ABCA13: variants seen among roughly 807,000 people sequenced by gnomAD.
The protein encoded by ABCA13 is ATP-binding cassette sub-family A member 13.
ABCA13 carries 476 observed loss-of-function variants against 478.7 expected under a neutral mutation model. That is an observed-to-expected ratio of 0.99 (90% CI 0.92 to 1.07). ABCA13 has a LOEUF of 1.07. Among genes scored for constraint, ABCA13 ranks in the 50% least tolerant of loss-of-function variants. ABCA13 has a pLI of 0.00. For synonymous variants in ABCA13, 2,252 were observed against 2,158.9 expected (o/e 1.04, Z -1.20); for missense variants, 6,060 against 5,910.6 (o/e 1.03, Z -0.83).
intron 1 of ABCA13, among the ~76,000 whole-genome samples, chr7:48,172,277 A>G (rs1386154307): frequency 2.6e-5 from 4 of 152,190 alleles, no homozygotes; most frequent in Non-Finnish European, 4.4e-5. Flanking sequence ...ATTTACCTGC[A>G]TCGTTTCTGA....
At chr7:48,474,056 C>A (rs1423974411) in intron 45 of ABCA13, among the ~76,000 whole-genome samples, 1 of 151,996 alleles carries the variant, frequency 6.6e-6, no homozygotes, top group Non-Finnish European at 1.5e-5. Flanking sequence ...TTTTTAAATA[C>A]ATAATTATTG....
chr7:48,343,417 G>A (rs528564314), intron 29 of ABCA13, among the ~76,000 whole-genome samples: 2 of 152,078 alleles, frequency 1.3e-5, no homozygotes, highest in South Asian at 4.2e-4. Flanking sequence ...AGCTGATACC[G>A]ATTAGGGCCC....
At chr7:48,313,478 C>T (rs1802076119) in intron 25 of ABCA13, among the ~76,000 whole-genome samples, 1 of 152,184 alleles carries the variant, frequency 6.6e-6, no homozygotes, top group Non-Finnish European at 1.5e-5. Context: ...TGGGATAGTA[C>T]ATGCATTATC....
At position 48,332,947 on chromosome 7, in the gene ABCA13, G is replaced by T. The variant is rs58054165; in HGVS notation, c.10000-2475G>T. On this transcript the variant is annotated intron_variant, in intron 27 of 61. Transcript: ENST00000435803. The stretch of plus-strand genomic sequence containing the variant: ...TCTCAGTTTATCATATTGAGTGTTT[G>T]CTAAGCTTCCTGAGTCTGTAGGTTT... Among the ~76,000 whole-genome samples, 1,400 of 152,274 alleles carry T rather than the reference G, an allele frequency of 9.2e-3. 30 individuals carry two copies. Among genetic ancestry groups the T allele is most frequent in the African/African-American group, 0.032 (1,322 of 41,548 alleles).
At chr7:48,196,798 T>A (rs1316960522) in intron 2 of ABCA13, among the ~76,000 whole-genome samples, 1 of 152,174 alleles carries the variant, frequency 6.6e-6, no homozygotes, top group Non-Finnish European at 1.5e-5. Flanking sequence ...GGAAATGCAC[T>A]ATCTGGGCAC....
chr7:48,434,541 G>GTTT (rs1259438215), intron 42 of ABCA13, among the ~76,000 whole-genome samples: 1 of 151,612 alleles, frequency 6.6e-6, no homozygotes, highest in Non-Finnish European at 1.5e-5. Flanking sequence ...TTTTGTTGTT[G>GTTT]TTGTTGCCTG....
intron 8 of ABCA13, 136 bp from the exon 9 acceptor site, chr7:48,239,105 T>C: frequency 1.1e-6 from 1 of 875,430 alleles, no homozygotes; most frequent in Non-Finnish European, 1.7e-6. Flanking sequence ...GTAAATCACA[T>C]AGATATCATC....
rs1801545546 is a variant in ABCA13 at position 48,310,104 on chromosome 7, T to G, written c.9479T>G (p.Leu3160Arg). 6.2e-7 allele frequency: 1 copy of G among 1,613,332 alleles called. No individual in the cohort carries two copies. The highest frequency in any genetic ancestry group is 1.1e-5 in the South Asian group (1 of 91,052). Residue 3160 changes from leucine (L) to arginine (R), a missense_variant, in exon 24 of 62, where the codon CTG (leucine) becomes CGG (arginine). Physicochemically the swap from Leu to Arg is moderately radical, Grantham distance 102. Coordinates refer to ENST00000435803, the MANE Select transcript of ABCA13 (RefSeq NM_152701.5). ...AAAGTGTATTCTCTGATTGTGTTGC[T>G]GAGTCGAAACTTGGATGTGCGAGCT... ...GSKVYSLIVL[L>R]SRNLDVRAFI...
At chr7:48,571,669 A>T (rs1345631986) in intron 55 of ABCA13, among the ~76,000 whole-genome samples, 1 of 152,032 alleles carries the variant, frequency 6.6e-6, no homozygotes, top group Non-Finnish European at 1.5e-5. Context: ...TTTGATTATG[A>T]TTTGTCTAGG....
At chr7:48,232,466 A>G in intron 7 of ABCA13, among the ~76,000 whole-genome samples, 1 of 152,168 alleles carries the variant, frequency 6.6e-6, no homozygotes. Flanking sequence ...AGTCAAAGCT[A>G]AGGAACACTA....
intron 58 of ABCA13, among the ~76,000 whole-genome samples, chr7:48,596,664 G>A (rs1056353514): frequency 2.6e-5 from 4 of 151,914 alleles, no homozygotes; most frequent in African/African-American, 4.8e-5. Context: ...CAGGCGTGGT[G>A]GCGGGCGCCT....
intron 23 of ABCA13, among the ~76,000 whole-genome samples, chr7:48,299,102 C>A (rs1309960245): frequency 6.6e-6 from 1 of 152,198 alleles, no homozygotes. Context: ...ACGGGGACAT[C>A]TCATGTTTTC....
intron 55 of ABCA13, among the ~76,000 whole-genome samples, chr7:48,557,989 T>TGTTC (rs1786019258): frequency 6.6e-6 from 1 of 152,136 alleles, no homozygotes; most frequent in South Asian, 2.1e-4. Flanking sequence ...CATTCTTGTC[T>TGTTC]GTTCTTTGTT....
chr7:48,590,675 A>G (rs767018764), intron 57 of ABCA13, among the ~76,000 whole-genome samples: 1 of 152,140 alleles, frequency 6.6e-6, no homozygotes, highest in Admixed American at 6.5e-5. Context: ...AACAATAGCC[A>G]TTCTAACAAG....
intron 7 of ABCA13, among the ~76,000 whole-genome samples, chr7:48,233,528 A>G (rs1789482664): frequency 6.6e-6 from 1 of 152,154 alleles, no homozygotes; most frequent in South Asian, 2.1e-4. Context: ...TTATGACTTC[A>G]AATAATTATT....
intron 38 of ABCA13, among the ~76,000 whole-genome samples, chr7:48,401,143 C>G (rs1208460305): frequency 1.3e-5 from 2 of 152,096 alleles, no homozygotes; most frequent in African/African-American, 4.8e-5. Context: ...CAATGTGGTT[C>G]TAATAATGAG....
At chr7:48,341,764 G>A (rs1340583686) in intron 29 of ABCA13, among the ~76,000 whole-genome samples, 1 of 146,336 alleles carries the variant, frequency 6.8e-6, no homozygotes, top group Admixed American at 6.9e-5. Context: ...AACTTCTTGA[G>A]ATGAATACTT....
intron 28 of ABCA13, among the ~76,000 whole-genome samples, chr7:48,337,222 A>T (rs969043114): frequency 6.6e-6 from 1 of 152,098 alleles, no homozygotes; most frequent in Non-Finnish European, 1.5e-5. Flanking sequence ...CACTAGATGG[A>T]GTGGTTAGAG....
chr7:48,248,275 AAT>A lies in ABCA13; in HGVS notation c.1699_1700del (p.Met567ValfsTer6), dbSNP rs1792008299. ...GCAAGAGGTCATTACTTGGCACAAA[AAT>A]ATGTCAGTTTTAATACCTGAAGAAT... ...ILQEVITWHK[N>X]MSVLIPEEYL... On this transcript the variant is annotated frameshift_variant, in exon 14 of 62. Transcript: ENST00000435803. LOFTEE classifies it high-confidence loss of function. 6.2e-7 allele frequency: 1 copy of A among 1,613,654 alleles called. No homozygotes were observed. The highest frequency in any genetic ancestry group is 1.3e-5 in the African/African-American group (1 of 74,926).
Sources: allele counts gnomAD v4.1 joint callset (sites outside exome capture counted in the v4.1 genomes callset), GRCh38; gene constraint gnomAD v4.1.1; transcripts MANE v1.5; gene names NCBI Gene and HGNC (gene_info 2026-07-23, HGNC 2026-07-21).